The following CYP4X1 variants were observed in gnomAD, a reference collection of about 807,000 sequenced individuals.
CYP4X1 encodes the protein cytochrome P450 4X1.
In CYP4X1, 44 loss-of-function variants were observed where a neutral mutation model predicts 57.9. The observed-to-expected ratio is 0.76, with a 90% CI of 0.60 to 0.98. The LOEUF (loss-of-function observed/expected upper bound fraction) is 0.98, where lower values mean the gene tolerates loss of function less well. Among genes scored for constraint, CYP4X1 ranks in the 50% least tolerant of loss-of-function variants. The pLI is 0.00. For synonymous variants in CYP4X1, 227 were observed against 228.6 expected (o/e 0.99, Z 0.06); for missense variants, 532 against 623.9 (o/e 0.85, Z 1.57).
chr1:47,038,592 A>G (rs960301423), intron 6 of CYP4X1, 68 bp from the exon 7 acceptor site: 1 of 1,261,934 alleles, frequency 7.9e-7, no homozygotes, highest in African/African-American at 1.5e-5. Flanking sequence ...TTCACTAACC[A>G]TGGCTTGCTT....
chr1:47,023,852 G>A lies in CYP4X1; in HGVS notation c.35G>A (p.Arg12Gln). The change falls in exon 1 of 12, where the codon CGG becomes CAG. Residue 12 changes from arginine to glutamine, a missense_variant. Transcript: ENST00000371901. ...TCCTGGCTGGAGACGCGCTGGGCGC[G>A]GCCCTTTTACCTGGCGTTCGTGTTC... Reference protein sequence around the residue: ...EFSWLETRWARPFYLAFVFCL... With the variant: ...EFSWLETRWAQPFYLAFVFCL... 1 of 1,613,536 alleles carries A rather than the reference G, an allele frequency of 6.2e-7. No homozygotes were observed. Among genetic ancestry groups the A allele is most frequent in the South Asian group, 1.1e-5 (1 of 91,040 alleles).
the CYP4X1 span, among the ~76,000 whole-genome samples, chr1:46,985,096 T>C: frequency 9.9e-5 from 15 of 152,054 alleles, no homozygotes; most frequent in African/African-American, 3.1e-4. Flanking sequence ...AGCAGGGAAG[T>C]TCCAACTGGG....
At chr1:46,996,359 A>C in the CYP4X1 span, among the ~76,000 whole-genome samples, 1 of 152,172 alleles carries the variant, frequency 6.6e-6, no homozygotes, top group African/African-American at 2.4e-5. Context: ...TAAACATTCC[A>C]GGTGACATTT....
chr1:47,013,323 G>A, the CYP4X1 span, among the ~76,000 whole-genome samples: 1 of 152,130 alleles, frequency 6.6e-6, no homozygotes, highest in Non-Finnish European at 1.5e-5. Flanking sequence ...ACAGACTTTG[G>A]GAGCCACATA....
chr1:47,023,123 T>A (rs934379813), upstream of CYP4X1, among the ~76,000 whole-genome samples: 1 of 152,208 alleles, frequency 6.6e-6, no homozygotes, highest in African/African-American at 2.4e-5. Flanking sequence ...GTTAATAAAG[T>A]TTTTATCCCG....
At position 47,046,598 on chromosome 1, in the gene CYP4X1, C is replaced by T; in HGVS notation, c.1205C>T (p.Ala402Val). 1 of 1,614,094 alleles carries T rather than the reference C, an allele frequency of 6.2e-7. No individual in the cohort carries two copies. The highest frequency in any genetic ancestry group is 8.5e-7 in the Non-Finnish European group (1 of 1,180,020). Residue 402 changes from alanine to valine, a missense_variant and splice_region_variant, in exon 9 of 12, where the codon GCA (alanine) becomes GTA (valine). Ala to Val is a moderately conservative substitution (Grantham distance 64). Transcript: ENST00000371901. ...LTFPDGCTLP[A>V]GITVVLSIWG... ...TTCCCAGATGGATGCACATTGCCTG[C>T]AGGTCTTTACATTCTTTTCCTAAGC...
chr1:47,047,134 T>C (rs533717069), intron 9 of CYP4X1, among the ~76,000 whole-genome samples: 1 of 152,338 alleles, frequency 6.6e-6, no homozygotes, highest in South Asian at 2.1e-4. Context: ...TTAAGTACTT[T>C]CAATGTGGCC....
chr1:47,032,656 T>C (rs1644136807), intron 3 of CYP4X1, among the ~76,000 whole-genome samples: 2 of 152,182 alleles, frequency 1.3e-5, no homozygotes, highest in Non-Finnish European at 2.9e-5. Context: ...TATTTCCACA[T>C]AGTATCATTC....
chr1:46,989,911 A>C, the CYP4X1 span, among the ~76,000 whole-genome samples: 1 of 152,268 alleles, frequency 6.6e-6, no homozygotes, highest in African/African-American at 2.4e-5. Context: ...AGATGGATTA[A>C]AGACTTAAAT....
the CYP4X1 span, among the ~76,000 whole-genome samples, chr1:46,978,745 T>G: frequency 3.9e-4 from 60 of 152,194 alleles, no homozygotes; most frequent in Non-Finnish European, 7.4e-4. Flanking sequence ...CCTTAGCAAA[T>G]GTAAAAGAAC....
chr1:47,053,793 A>G (rs528214653), downstream of CYP4X1, among the ~76,000 whole-genome samples: 3 of 152,016 alleles, frequency 2.0e-5, no homozygotes, highest in African/African-American at 4.8e-5. Context: ...AATTTGTTTG[A>G]GTTCATTGTA....
the CYP4X1 span, among the ~76,000 whole-genome samples, chr1:47,004,435 C>A: frequency 1.3e-5 from 2 of 151,604 alleles, no homozygotes; most frequent in Admixed American, 1.3e-4. Flanking sequence ...GGAATCTCTC[C>A]CTCTCTCTCT....
chr1:46,999,205 AC>A, the CYP4X1 span, among the ~76,000 whole-genome samples: 1 of 152,056 alleles, frequency 6.6e-6, no homozygotes. Flanking sequence ...CTGGCCCCAG[AC>A]TTTTCTTGAT....
the CYP4X1 span, among the ~76,000 whole-genome samples, chr1:46,995,325 A>C: frequency 1.3e-5 from 2 of 152,188 alleles, no homozygotes. Flanking sequence ...GTTCAATAAA[A>C]TATCATAAGG....
the CYP4X1 span, among the ~76,000 whole-genome samples, chr1:46,992,151 T>G: frequency 7.9e-5 from 12 of 152,108 alleles, no homozygotes; most frequent in Non-Finnish European, 1.5e-4. Context: ...TACTAAAAAT[T>G]TTTTAAAAAA....
At chr1:47,007,705 G>A in the CYP4X1 span, among the ~76,000 whole-genome samples, 3 of 152,142 alleles carry the variant, frequency 2.0e-5, no homozygotes, top group Admixed American at 1.3e-4. Flanking sequence ...TGGCTAACTA[G>A]AATAACCCAA....
chr1:46,969,816 T>C, the CYP4X1 span, among the ~76,000 whole-genome samples: 22 of 152,338 alleles, frequency 1.4e-4, no homozygotes, highest in Admixed American at 1.4e-3. Context: ...GCTAATGATG[T>C]GCTAAGTGAA....
the CYP4X1 span, among the ~76,000 whole-genome samples, chr1:46,967,320 T>C: frequency 2.6e-5 from 4 of 152,128 alleles, no homozygotes; most frequent in Non-Finnish European, 4.4e-5. Flanking sequence ...TTTCTGCTGT[T>C]TTAAGGCACT....
chr1:47,036,511 C>G (rs981839755), intron 6 of CYP4X1, among the ~76,000 whole-genome samples: 9 of 151,722 alleles, frequency 5.9e-5, no homozygotes, highest in African/African-American at 2.2e-4. Flanking sequence ...AAGCTAAAAA[C>G]ATTCATGCAA....
Sources: gnomAD v4.1 joint callset for allele counts (sites outside exome capture counted in the v4.1 genomes callset) on GRCh38, gnomAD v4.1.1 for gene constraint, MANE v1.5 for transcripts, NCBI Gene and HGNC (gene_info 2026-07-23, HGNC 2026-07-21) for gene names.